Variants in ARL15 observed in about 807,000 individuals in gnomAD.
ARL15 encodes ARF like GTPase 15.
A neutral mutation model predicts 25.2 loss-of-function variants in ARL15; 19 were observed. The ratio of observed to expected loss-of-function variants is 0.75; its 90% CI spans 0.53 to 1.10. The LOEUF is 1.10. Ranked by LOEUF, ARL15 falls within the 50% of genes least tolerant of loss-of-function variation. The pLI, the probability that ARL15 is intolerant of heterozygous loss-of-function variation, is 0.00. For missense variants in ARL15, 220 were observed against 246.0 expected, an observed-to-expected ratio of 0.89 and a Z score of 0.71; for synonymous variants, 94 against 86.8, an observed-to-expected ratio of 1.08 and a Z score of -0.46.
chr5:54,234,293 T>C (rs1020014962), intron 1 of ARL15, among the ~76,000 whole-genome samples: 2 of 151,986 alleles, frequency 1.3e-5, no homozygotes, highest in Non-Finnish European at 2.9e-5. Flanking sequence ...GCCTGGCCCG[T>C]TACTATTGTT....
intron 4 of ARL15, among the ~76,000 whole-genome samples, chr5:53,991,087 T>C (rs902541108): frequency 1.3e-5 from 2 of 152,102 alleles, no homozygotes; most frequent in Admixed American, 6.5e-5. Context: ...TGGAAGCCAA[T>C]GAGATAACTG....
At chr5:54,036,973 G>T (rs566570342) in intron 4 of ARL15, among the ~76,000 whole-genome samples, 1 of 152,140 alleles carries the variant, frequency 6.6e-6, no homozygotes, top group East Asian at 1.9e-4. Flanking sequence ...ATATAAGGAA[G>T]AATATATTTT....
chr5:54,229,622 T>C (rs1756614737), intron 1 of ARL15, among the ~76,000 whole-genome samples: 2 of 152,250 alleles, frequency 1.3e-5, no homozygotes, highest in African/African-American at 4.8e-5. Context: ...TGAGCAATTA[T>C]TGTGCTAAGT....
At chr5:54,251,936 C>T (rs755997307) in intron 1 of ARL15, among the ~76,000 whole-genome samples, 1 of 152,218 alleles carries the variant, frequency 6.6e-6, no homozygotes, top group Non-Finnish European at 1.5e-5. Flanking sequence ...ATGGGATTCC[C>T]ATAGTCAATC....
At chr5:53,921,895 T>C (rs1447007609) in intron 4 of ARL15, among the ~76,000 whole-genome samples, 13 of 152,262 alleles carry the variant, frequency 8.5e-5, no homozygotes, top group Admixed American at 8.5e-4. Context: ...AACACTGAGC[T>C]ATTCAGATTT....
At chr5:53,999,355 G>A (rs777844520) in intron 4 of ARL15, among the ~76,000 whole-genome samples, 2 of 151,602 alleles carry the variant, frequency 1.3e-5, no homozygotes, top group African/African-American at 2.4e-5. Flanking sequence ...TTGGGAGGCC[G>A]AGGCAGGTGG....
intron 4 of ARL15, among the ~76,000 whole-genome samples, chr5:54,043,600 T>C (rs1275955074): frequency 1.3e-5 from 2 of 152,092 alleles, no homozygotes; most frequent in Non-Finnish European, 2.9e-5. Context: ...GTCATGGAAA[T>C]TAGATTTGCC....
At chr5:54,119,801 T>C (rs541785655) in intron 3 of ARL15, among the ~76,000 whole-genome samples, 21 of 152,298 alleles carry the variant, frequency 1.4e-4, no homozygotes, top group Admixed American at 7.9e-4. Flanking sequence ...CCCTTAGTTC[T>C]TGTAAATTCA....
intron 4 of ARL15, among the ~76,000 whole-genome samples, chr5:54,097,802 A>G (rs903626674): frequency 1.3e-5 from 2 of 152,192 alleles, no homozygotes; most frequent in African/African-American, 4.8e-5. Flanking sequence ...TGGTTTGACC[A>G]ATTAACGTTC....
intron 4 of ARL15, among the ~76,000 whole-genome samples, chr5:53,987,972 G>T (rs111563129): frequency 0.032 from 4,876 of 152,048 alleles, 97 homozygotes; most frequent in Non-Finnish European, 0.051. Flanking sequence ...GCATGGTGGC[G>T]TGCGCCTGTA....
At chr5:54,105,643 T>C (rs748018668) in intron 4 of ARL15, among the ~76,000 whole-genome samples, 4 of 152,148 alleles carry the variant, frequency 2.6e-5, no homozygotes, top group Non-Finnish European at 4.4e-5. Context: ...AATGCAGTTG[T>C]GTGATCTTGG....
At chr5:54,137,181 G>A (rs561005169) in intron 3 of ARL15, among the ~76,000 whole-genome samples, 97 of 151,980 alleles carry the variant, frequency 6.4e-4, no homozygotes, top group African/African-American at 2.3e-3. Context: ...TATATTCTAG[G>A]TTAGCCATGT....
At chr5:54,136,277 A>C (rs1379845725) in intron 3 of ARL15, among the ~76,000 whole-genome samples, 1 of 152,220 alleles carries the variant, frequency 6.6e-6, no homozygotes, top group Non-Finnish European at 1.5e-5. Context: ...TCCTTCAAAT[A>C]CCTTCAATAG....
At chr5:54,048,491 C>G (rs1288031136) in intron 4 of ARL15, among the ~76,000 whole-genome samples, 1 of 150,410 alleles carries the variant, frequency 6.6e-6, no homozygotes, top group East Asian at 1.9e-4. Context: ...CAACCTCCGC[C>G]TCCTGGGTTC....
chr5:54,161,256 T>C (rs902619356), intron 2 of ARL15, among the ~76,000 whole-genome samples: 1 of 152,136 alleles, frequency 6.6e-6, no homozygotes, highest in Non-Finnish European at 1.5e-5. Flanking sequence ...GCATATAGTT[T>C]CCCTTAAGTT....
intron 4 of ARL15, among the ~76,000 whole-genome samples, chr5:53,916,442 C>T (rs1481358235): frequency 5.9e-5 from 1 of 16,848 alleles, no homozygotes; most frequent in Non-Finnish European, 1.7e-3. Context: ...GTACACCAAA[C>T]CCCAGTGACA....
intron 4 of ARL15, among the ~76,000 whole-genome samples, chr5:54,027,513 C>A (rs552083891): frequency 6.6e-6 from 1 of 152,152 alleles, no homozygotes; most frequent in Admixed American, 6.5e-5. Context: ...ACTATGAATA[C>A]CAACAAGCCT....
At chr5:54,147,501 G>A (rs749161546) in intron 3 of ARL15, among the ~76,000 whole-genome samples, 1 of 152,140 alleles carries the variant, frequency 6.6e-6, no homozygotes, top group Non-Finnish European at 1.5e-5. Context: ...TCTACTTGCT[G>A]AACCACACTT....
chr5:54,216,410 G>C (rs532366321), intron 1 of ARL15, among the ~76,000 whole-genome samples: 18 of 152,182 alleles, frequency 1.2e-4, no homozygotes, highest in East Asian at 1.9e-4. Flanking sequence ...TTCTTGGCTG[G>C]CTTATATTGT....
Sources: allele counts gnomAD v4.1 joint callset (sites outside exome capture counted in the v4.1 genomes callset), GRCh38; gene constraint gnomAD v4.1.1; transcripts MANE v1.5; gene names NCBI Gene and HGNC (gene_info 2026-07-23, HGNC 2026-07-21).